Variants in NME5 observed in about 807,000 individuals in gnomAD.
NME5 encodes nucleoside diphosphate kinase 5.
Under a neutral mutation model 21.6 loss-of-function variants are expected in NME5, and 18 were observed. That is an observed-to-expected ratio of 0.83 (90% CI 0.58 to 1.24). The LOEUF is 1.24. Ranked by LOEUF, NME5 falls within the 50% of genes most tolerant of loss-of-function variation. The pLI is 0.00. For missense variants in NME5, 223 were observed against 255.4 expected (o/e 0.87, Z 0.86); for synonymous variants, 70 against 80.6 (o/e 0.87, Z 0.71).
rs1751285614 is a variant in NME5 at position 138,121,508 on chromosome 5, T to C, written c.437-2572A>G. 2.0e-5 allele frequency among the ~76,000 whole-genome samples: 3 copies of C among 152,234 alleles called. No homozygotes were observed. In the South Asian group the frequency reaches 6.2e-4, roughly 32 times the overall value. On this transcript the variant is annotated intron_variant, in intron 4 of 5. Transcript: ENST00000265191. ...GCACCATAGTAAAGTCAAAAAACTG[T>C]AACTTGAACCATGGTAAGTTGGGGA...
intron 4 of NME5, chr5:138,127,783 T>C (rs2151164138): frequency 1.7e-6 from 1 of 602,448 alleles, no homozygotes; most frequent in East Asian, 1.4e-4. Context: ...AGTAAATTGT[T>C]ACAGAAGACG....
chr5:138,131,367 G>C (rs1301642282), intron 2 of NME5, among the ~76,000 whole-genome samples: 1 of 150,996 alleles, frequency 6.6e-6, no homozygotes, highest in Non-Finnish European at 1.5e-5. Context: ...GGCAACAAGA[G>C]TGAAACTCCG....
chr5:138,119,886 AT>A (rs1018144830), intron 4 of NME5, among the ~76,000 whole-genome samples: 1 of 150,764 alleles, frequency 6.6e-6, no homozygotes, highest in African/African-American at 2.4e-5. Context: ...ATTTGGTGAT[AT>A]TTTTTCCCAG....
At chr5:138,128,663 C>T (rs1447483804) in intron 3 of NME5, 84 bp from the exon 4 acceptor site, 11 of 867,554 alleles carry the variant, frequency 1.3e-5, no homozygotes, top group Non-Finnish European at 2.0e-5. Flanking sequence ...AAGAATTTTA[C>T]AAAAGCATTG....
chr5:138,127,085 TGAGGCAG>T (rs1328322564), intron 4 of NME5, among the ~76,000 whole-genome samples: 1 of 152,158 alleles, frequency 6.6e-6, no homozygotes, highest in Non-Finnish European at 1.5e-5. Flanking sequence ...TTGGGGAGGC[TGAGGCAG>T]GAGGACTGCT....
intron 2 of NME5, among the ~76,000 whole-genome samples, chr5:138,129,723 C>T (rs912624640): frequency 6.6e-6 from 1 of 152,080 alleles, no homozygotes; most frequent in Non-Finnish European, 1.5e-5. Context: ...TTTGGAAGGC[C>T]GAGGTCGGTG....
At chr5:138,122,205 A>C (rs892135868) in intron 4 of NME5, among the ~76,000 whole-genome samples, 4 of 151,860 alleles carry the variant, frequency 2.6e-5, no homozygotes, top group Non-Finnish European at 1.5e-5. Context: ...TTGGGAGGCC[A>C]AGGCGGGTGG....
rs1449226513 is a variant in NME5, at chr5:138,118,923, G to A, written c.450C>T (p.Pro150=). Residue 150 remains proline, a synonymous_variant, in exon 5 of 6, where the codon CCC becomes CCT. Transcript: ENST00000265191. ...CCTTAGCAGCTTGTCCAATTGGAAT[G>A]GGCTCAACAATCACTGCAAATACAA... ...RFMFPEVIVE[P]IPIGQAAKDY... is the part of the protein sequence containing the mutation. 6.3e-7 allele frequency: 1 copy of A among 1,593,190 alleles called. No homozygotes were observed. The highest frequency in any genetic ancestry group is 8.6e-7 in the Non-Finnish European group (1 of 1,161,078).
intron 1 of NME5, 177 bp from the exon 2 acceptor site, chr5:138,138,962 A>G (rs1751796660): frequency 3.5e-6 from 2 of 566,792 alleles, no homozygotes; most frequent in African/African-American, 3.9e-5. Context: ...ACAGGGTCTC[A>G]ATAATAGGAT....
At chr5:138,117,908 TG>T (rs1751198404) in intron 5 of NME5, among the ~76,000 whole-genome samples, 1 of 151,552 alleles carries the variant, frequency 6.6e-6, no homozygotes, top group Admixed American at 6.6e-5. Flanking sequence ...CACTTGAACC[TG>T]GGGGGCGGAG....
chr5:138,122,441 T>TAAAAAAAAAAAAAAAAAAAAAAAAA (rs70979581), intron 4 of NME5, among the ~76,000 whole-genome samples: 14 of 34,462 alleles, frequency 4.1e-4, no homozygotes, highest in African/African-American at 6.5e-4. Context: ...ACTCTGTCTC[T>TAAAAAAAAAAAAAAAAAAAAAAAAA]AAAAAAAAAA....
chr5:138,134,901 G>C (rs1223478788), intron 2 of NME5, among the ~76,000 whole-genome samples: 2 of 150,290 alleles, frequency 1.3e-5, no homozygotes, highest in African/African-American at 2.4e-5. Context: ...AGTTTTAGTA[G>C]AGACGGGGTT....
At chr5:138,120,193 T>C (rs1287445631) in intron 4 of NME5, among the ~76,000 whole-genome samples, 2 of 150,444 alleles carry the variant, frequency 1.3e-5, no homozygotes, top group East Asian at 3.9e-4. Context: ...GCCTCCTGAA[T>C]AGCTGGATTT....
intron 2 of NME5, chr5:138,138,282 G>A (rs1034507832): frequency 1.0e-4 from 17 of 168,298 alleles, no homozygotes; most frequent in Non-Finnish European, 1.5e-4. Flanking sequence ...GATCAATTCA[G>A]ATGCAATGAT....
chr5:138,124,276 T>A (rs1751351698), intron 4 of NME5, among the ~76,000 whole-genome samples: 1 of 152,110 alleles, frequency 6.6e-6, no homozygotes, highest in Non-Finnish European at 1.5e-5. Flanking sequence ...GAGCTGGGAT[T>A]ACAGGCGTGA....
chr5:138,129,232 T>A (rs1465734807), intron 3 of NME5, 31 bp downstream of exon 3: 3 of 1,433,896 alleles, frequency 2.1e-6, no homozygotes, highest in Non-Finnish European at 2.0e-6. Context: ...TGGATTCCAT[T>A]CCCTGCCATC....
chr5:138,127,774 G>T, intron 4 of NME5: 2 of 683,402 alleles, frequency 2.9e-6, no homozygotes, highest in Non-Finnish European at 3.6e-6. Context: ...TAGGCAAACA[G>T]TAAATTGTTA....
Position 138,118,827 on chromosome 5 carries a change from T to C in NME5, c.546A>G (p.Ala182=), listed in dbSNP as rs1156283750. The C allele has an allele frequency of 6.3e-7, 1 of 1,595,392 alleles. No individual in the cohort carries two copies. ...GLTELCKQKP[A]DPLIWLADWL... ...TAAAAATATTTCTTACCAAAGGATCTGCTGGTTTTTGCTTACAAAGCTCTG... is the reference window on the plus strand; with the variant it reads ...TAAAAATATTTCTTACCAAAGGATCCGCTGGTTTTTGCTTACAAAGCTCTG... Residue 182 remains alanine, a synonymous_variant, in exon 5 of 6, where the codon GCA becomes GCG. Coordinates refer to ENST00000265191, the MANE Select transcript of NME5 (RefSeq NM_003551.3).
At chr5:138,128,405 G>T in intron 4 of NME5, 74 bp downstream of exon 4, 1 of 1,106,670 alleles carries the variant, frequency 9.0e-7, no homozygotes, top group East Asian at 2.4e-5. Context: ...TTCCTTCCCA[G>T]CTATATCCGC....
Sources: allele counts gnomAD v4.1 joint callset (sites outside exome capture counted in the v4.1 genomes callset), GRCh38; gene constraint gnomAD v4.1.1; transcripts MANE v1.5; gene names NCBI Gene and HGNC (gene_info 2026-07-23, HGNC 2026-07-21).